The following CLIP1 variants were observed in gnomAD, a reference collection of about 807,000 sequenced individuals.
The protein encoded by CLIP1 is CAP-Gly domain-containing linker protein 1.
In CLIP1, 66 loss-of-function variants were observed where a neutral mutation model predicts 161.6. That is an observed-to-expected ratio of 0.41 (90% confidence interval 0.33 to 0.50). The LOEUF (loss-of-function observed/expected upper bound fraction) is 0.50, where lower values mean the gene tolerates loss of function less well. Among genes scored for constraint, CLIP1 ranks in the 20% least tolerant of loss-of-function variants. The pLI, the probability that CLIP1 is intolerant of heterozygous loss-of-function variation, is 0.27. For missense variants in CLIP1, 1,376 were observed against 1,702.0 expected (o/e 0.81, Z 3.37); for synonymous variants, 598 against 626.2 (o/e 0.96, Z 0.67).
At chr12:122,285,831 T>C (rs1955828857) in intron 21 of CLIP1, among the ~76,000 whole-genome samples, 2 of 151,442 alleles carry the variant, frequency 1.3e-5, no homozygotes, top group Non-Finnish European at 2.9e-5. Context: ...TTTTCACGTG[T>C]CCTTGATAAC....
At chr12:122,289,106 G>A (rs961570257) in intron 20 of CLIP1, among the ~76,000 whole-genome samples, 5 of 144,192 alleles carry the variant, frequency 3.5e-5, no homozygotes, top group South Asian at 2.5e-4. Context: ...GTGAGCCACC[G>A]CGCCTGGCCC....
intron 20 of CLIP1, among the ~76,000 whole-genome samples, chr12:122,294,276 C>A (rs1479161500): frequency 1.4e-5 from 2 of 139,972 alleles, no homozygotes; most frequent in African/African-American, 5.3e-5. Context: ...TTGCAGTGAG[C>A]TGAGATGGCG....
intron 21 of CLIP1, among the ~76,000 whole-genome samples, chr12:122,286,520 TAAAAAAAA>T (rs57260606): frequency 0.029 from 809 of 28,230 alleles, 13 homozygotes; most frequent in African/African-American, 0.076. Flanking sequence ...GACTCTGTCT[TAAAAAAAA>T]AAAAAAAAAA....
chr12:122,366,421 A>T (rs896905819), intron 3 of CLIP1, among the ~76,000 whole-genome samples: 1 of 152,204 alleles, frequency 6.6e-6, no homozygotes, highest in African/African-American at 2.4e-5. Flanking sequence ...CCAAGGCTGC[A>T]GTGAGCCATG....
chr12:122,335,185 G>T (rs1257629545), intron 12 of CLIP1, among the ~76,000 whole-genome samples: 1 of 152,200 alleles, frequency 6.6e-6, no homozygotes, highest in African/African-American at 2.4e-5. Context: ...GTCACTTACA[G>T]TTCAAGGTCT....
Position 122,332,596 on chromosome 12 carries a change from T to C in CLIP1, c.2867+391A>G, listed in dbSNP as rs1204436261. Among the ~76,000 whole-genome samples, 3 of 152,060 alleles carry C rather than the reference T, an allele frequency of 2.0e-5. No homozygotes were observed. The East Asian group carries it at 5.8e-4, about 30-fold the overall frequency. The stretch of plus-strand genomic sequence containing the variant: ...ACCACCACGCCTGGCTAATTTTGTA[T>C]TTTTAGTGGAGACAAGGTTTCGCCA... On this transcript the variant is annotated intron_variant, in intron 15 of 25. Coordinates refer to ENST00000620786, the MANE Select transcript of CLIP1 (RefSeq NM_001247997.2).
chr12:122,281,234 A>C (rs954699009), intron 21 of CLIP1, among the ~76,000 whole-genome samples: 1 of 152,338 alleles, frequency 6.6e-6, no homozygotes, highest in African/African-American at 2.4e-5. Context: ...CGCACTGGCA[A>C]CGGGTGGGCA....
rs1225346044 is a variant in CLIP1, at chr12:122,316,831, AGTT to A, written c.3388_3390del (p.Asn1130del). The A allele has an allele frequency of 6.3e-6, 10 of 1,587,196 alleles. No individual in the cohort carries two copies. Among genetic ancestry groups the A allele is most frequent in the Non-Finnish European group, 8.5e-6 (10 of 1,169,598 alleles). On this transcript the variant is annotated inframe_deletion, in exon 19 of 26. Coordinates refer to ENST00000620786, the MANE Select transcript of CLIP1 (RefSeq NM_001247997.2). ...TTGTTCAGCTCTTCCACATTTTTCA[AGTT>A]GTTTTCTTTAAGTGTGTCCAACTTA...
In CLIP1 at chr12:122,317,559, T is replaced by C. The variant is rs925130516; in HGVS notation, c.3367-704A>G. Among the ~76,000 whole-genome samples the C allele has an allele frequency of 3.9e-5, 6 of 152,216 alleles. No homozygotes were observed. The East Asian group carries it at 1.2e-3, about 29-fold the overall frequency. On this transcript the variant is annotated intron_variant, in intron 18 of 25. Coordinates refer to ENST00000620786, the MANE Select transcript of CLIP1 (RefSeq NM_001247997.2). ...ATGACTGATCATAGGCTGTGGCAGG[T>C]GGTTGGAGCTCTAGGTGCAGAGCCA...
At chr12:122,344,629 G>A (rs1952659476) in intron 10 of CLIP1, among the ~76,000 whole-genome samples, 2 of 152,120 alleles carry the variant, frequency 1.3e-5, no homozygotes, top group African/African-American at 4.8e-5. Flanking sequence ...TCCCTATAAA[G>A]TACAGCAATT....
chr12:122,336,621 C>A lies in CLIP1; in HGVS notation c.2568+11G>T. 1 of 1,380,482 alleles carries A rather than the reference C, an allele frequency of 7.2e-7. No individual in the cohort carries two copies. The highest frequency in any genetic ancestry group is 1.0e-6 in the Non-Finnish European group (1 of 971,390). 85.5% of individuals were successfully genotyped at this position (1,380,482 alleles called of 1,614,324 possible). A position where few individuals can be genotyped will look rare whatever the true frequency, so the allele number is the denominator to read the frequency against. ...GAAACCCTGAGATTCAGATTCCCAA[C>A]AGGTACTTACCAAAATCTGAAGTTC... On this transcript the variant is annotated intron_variant, in intron 12 of 25. Transcript: ENST00000620786.
intron 3 of CLIP1, among the ~76,000 whole-genome samples, chr12:122,377,044 C>G (rs1001582886): frequency 6.7e-6 from 1 of 149,902 alleles, no homozygotes; most frequent in Non-Finnish European, 1.5e-5. Flanking sequence ...GAGTCTCACT[C>G]TCTCGCCCAG....
intron 21 of CLIP1, among the ~76,000 whole-genome samples, chr12:122,283,235 C>T (rs1955716293): frequency 6.6e-6 from 1 of 152,160 alleles, no homozygotes; most frequent in African/African-American, 2.4e-5. Context: ...AAGGCATACC[C>T]TGCTTTACCC....
chr12:122,320,558 T>C (rs1045898304), intron 17 of CLIP1, among the ~76,000 whole-genome samples: 2 of 151,806 alleles, frequency 1.3e-5, no homozygotes, highest in Non-Finnish European at 2.9e-5. Context: ...ACCCAGTCCC[T>C]ACTAAAAATA....
At chr12:122,374,539 G>A (rs1361328446) in intron 3 of CLIP1, among the ~76,000 whole-genome samples, 2 of 151,842 alleles carry the variant, frequency 1.3e-5, no homozygotes, top group Admixed American at 6.6e-5. Context: ...CGAGTCGGGT[G>A]GATCACGAGG....
chr12:122,293,002 C>CAAA (rs57326141), intron 20 of CLIP1, among the ~76,000 whole-genome samples: 8 of 43,554 alleles, frequency 1.8e-4, no homozygotes, highest in African/African-American at 9.1e-4. Flanking sequence ...GACTCTGTCT[C>CAAA]AAAAAAAAAA....
chr12:122,359,843 C>G (rs1953689996), intron 5 of CLIP1, among the ~76,000 whole-genome samples: 1 of 152,182 alleles, frequency 6.6e-6, no homozygotes. Context: ...GTCTGCGGTT[C>G]CCCACCACCC....
chr12:122,303,248 G>T (rs1711672220), intron 20 of CLIP1, among the ~76,000 whole-genome samples: 1 of 151,988 alleles, frequency 6.6e-6, no homozygotes, highest in South Asian at 2.1e-4. Flanking sequence ...TTTTCCCTGG[G>T]TAACAGCTTC....
intron 17 of CLIP1, among the ~76,000 whole-genome samples, chr12:122,319,573 G>C (rs1951404997): frequency 1.3e-5 from 2 of 152,226 alleles, no homozygotes; most frequent in East Asian, 3.8e-4. Context: ...ATTTTTCAAT[G>C]TCAATTGTTA....
Sources: allele counts gnomAD v4.1 joint callset (sites outside exome capture counted in the v4.1 genomes callset), GRCh38; gene constraint gnomAD v4.1.1; transcripts MANE v1.5; gene names NCBI Gene and HGNC (gene_info 2026-07-23, HGNC 2026-07-21).